SPTB: variants seen among roughly 807,000 people sequenced by gnomAD.
SPTB encodes spectrin beta chain, erythrocytic.
A neutral mutation model predicts 256.2 loss-of-function variants in SPTB; 45 were observed. The ratio of observed to expected loss-of-function variants is 0.18; its 90% CI spans 0.14 to 0.23. The LOEUF (loss-of-function observed/expected upper bound fraction) is 0.23, where lower values mean the gene tolerates loss of function less well. Ranked by LOEUF, SPTB falls within the 10% of genes least tolerant of loss-of-function variation. SPTB has a pLI of 1.00. For missense variants in SPTB, 2,715 were observed against 3,040.4 expected (o/e 0.89, Z 2.52); for synonymous variants, 1,231 against 1,243.1 (o/e 0.99, Z 0.21).
At position 64,767,340 on chromosome 14, in the gene SPTB, C is replaced by T; in HGVS notation, c.6232G>A (p.Glu2078Lys). ...GCGGGTCTCTCTGCAATCTGGCGTT[C>T]TTTCAGCTCAAGCTAGAGGAGGAGA... The part of the protein sequence containing the change: ...LEKPTTLELK[E>K]RQIAERPAEE... The change falls in exon 31 of 36, where the codon GAA (glutamate) becomes AAA (lysine). Residue 2078 changes from glutamate to lysine, a missense_variant. Coordinates refer to ENST00000644917, the MANE Select transcript of SPTB (RefSeq NM_001355436.2). The T allele has an allele frequency of 6.2e-7, 1 of 1,614,100 alleles. No individual in the cohort carries two copies. The highest frequency in any genetic ancestry group is 1.1e-5 in the South Asian group (1 of 91,086).
At chr14:64,788,378 G>A (rs1594777162) in intron 15 of SPTB, among the ~76,000 whole-genome samples, 1 of 152,220 alleles carries the variant, frequency 6.6e-6, no homozygotes, top group South Asian at 2.1e-4. Flanking sequence ...TGTGACAACA[G>A]CAGCCAGTAT....
chr14:64,864,200 TA>T (rs535500798), intron 1 of SPTB, among the ~76,000 whole-genome samples: 61 of 152,140 alleles, frequency 4.0e-4, no homozygotes, highest in African/African-American at 1.4e-3. Flanking sequence ...CTCATGCCTG[TA>T]ATCCCAACAC....
chr14:64,779,898 C>A lies in SPTB; in HGVS notation c.4300G>T (p.Glu1434Ter). Residue 1434 changes from glutamate (E) to a stop codon, truncating the protein, a stop_gained, in exon 21 of 36, where the codon GAG becomes TAG. Transcript: ENST00000644917. LOFTEE classifies it high-confidence loss of function. The surrounding 1 kb of genome is among the most constrained non-coding windows in gnomAD (Gnocchi z 4.2). ...VEDQVNVRKE[E>*]LGELFAQVPS... ...ACCTGGGCAAACAGCTCCCCCAGCT[C>A]CTCTTTTCGCACATTCACTTGGTCC... 1.2e-6 allele frequency: 2 copies of A among 1,613,992 alleles called. No individual in the cohort carries two copies. The highest frequency in any genetic ancestry group is 1.7e-6 in the Non-Finnish European group (2 of 1,179,920).
Position 64,775,082 on chromosome 14 carries a change from C to T in SPTB, c.4842+43G>A, listed in dbSNP as rs2082336446. Reference sequence around the variant, plus strand: ...CCGACAGCCAACCTCAACTCTTCCTCTCTGCCTGGGCACCCTGGCTGGTAT... The same window carrying T: ...CCGACAGCCAACCTCAACTCTTCCTTTCTGCCTGGGCACCCTGGCTGGTAT... On this transcript the variant is annotated intron_variant, in intron 23 of 35. Coordinates refer to ENST00000644917, the MANE Select transcript of SPTB (RefSeq NM_001355436.2). This position sits in a 1 kb window ranked among gnomAD's most constrained non-coding sequence, Gnocchi z 5.0. 22 of 1,613,576 alleles carry T rather than the reference C, an allele frequency of 1.4e-5. No homozygotes were observed. Among genetic ancestry groups the T allele is most frequent in the Non-Finnish European group, 1.8e-5 (21 of 1,179,994 alleles).
Position 64,759,111 on chromosome 14 carries a change from CG to C in SPTB, c.6346-5319del, listed in dbSNP as rs1566736300. 6.6e-6 allele frequency among the ~76,000 whole-genome samples: 1 copy of C among 152,192 alleles called. No homozygotes were observed. On this transcript the variant is annotated intron_variant, in intron 32 of 35. Coordinates refer to ENST00000644917, the MANE Select transcript of SPTB (RefSeq NM_001355436.2). The surrounding 1 kb of genome is among the most constrained non-coding windows in gnomAD (Gnocchi z 4.8). ...ACTGGGTTCCGGAAAAGCTCAGTGA[CG>C]GGCTGAGATTAGAGCACACAGCAAG... is the stretch of plus-strand genomic sequence containing the variant.
chr14:64,753,707 A>C lies in SPTB; in HGVS notation c.6432T>G (p.Asp2144Glu). 1 of 1,613,738 alleles carries C rather than the reference A, an allele frequency of 6.2e-7. No individual in the cohort carries two copies. Among genetic ancestry groups the C allele is most frequent in the Non-Finnish European group, 8.5e-7 (1 of 1,180,016 alleles). The change falls in exon 33 of 36, where the codon GAT becomes GAG. Residue 2144 changes from aspartate (D) to glutamate (E), a missense_variant. By Grantham distance (45) the Asp-to-Glu change is conservative (BLOSUM62 2). This residue lies in a region of SPTB where 2,239 missense variants were observed against 2,384.4 expected (regional missense o/e 0.94). Coordinates refer to ENST00000644917, the MANE Select transcript of SPTB (RefSeq NM_001355436.2). ...QHKDGQKSTG[D>E]ERPTTEPLFK... is the part of the protein sequence containing the mutation. ...AGAGGGGCTCCGTGGTGGGCCTCTC[A>C]TCCCCAGTGGATTTCTGCCCATCCT...
At chr14:64,818,350 C>A (rs371291555) in intron 2 of SPTB, among the ~76,000 whole-genome samples, 15 of 152,146 alleles carry the variant, frequency 9.9e-5, no homozygotes, top group African/African-American at 3.6e-4. Flanking sequence ...ACGCAGCGGG[C>A]GGCACATGGG....
intron 9 of SPTB, among the ~76,000 whole-genome samples, chr14:64,799,044 CAT>C (rs1391495796): frequency 6.6e-6 from 1 of 152,116 alleles, no homozygotes; most frequent in Non-Finnish European, 1.5e-5. Context: ...TGCATGGGTG[CAT>C]AGTTATGTGT....
Position 64,785,936 on chromosome 14 carries a change from G to A in SPTB, c.3577C>T (p.His1193Tyr). ...ILSNQEYTLA[H>Y]LEPPDSLEAA... ...TCCAGGGAGTCTGGGGGCTCCAAGT[G>A]AGCCAGAGTGTATTCCTGTTGGAAC... The change falls in exon 17 of 36, where the codon CAC becomes TAC. Residue 1193 changes from histidine (H) to tyrosine (Y), a missense_variant. Physicochemically the swap from His to Tyr is moderately conservative, Grantham distance 83 (BLOSUM62 2). Transcript: ENST00000644917. The surrounding 1 kb of genome is among the most constrained non-coding windows in gnomAD (Gnocchi z 4.4). 6.2e-7 allele frequency: 1 copy of A among 1,614,056 alleles called. No homozygotes were observed. The highest frequency in any genetic ancestry group is 8.5e-7 in the Non-Finnish European group (1 of 1,180,006).
At chr14:64,767,254 T>G in intron 31 of SPTB, 49 bp downstream of exon 31, 1 of 1,611,064 alleles carries the variant, frequency 6.2e-7, no homozygotes. Flanking sequence ...CACCCCCTAC[T>G]CCCACTTGGC....
chr14:64,760,810 G>T lies in SPTB; in HGVS notation c.6345+5916C>A, dbSNP rs571438668. Among the ~76,000 whole-genome samples the T allele has an allele frequency of 6.6e-6, 1 of 152,308 alleles. No homozygotes were observed. Among genetic ancestry groups the T allele is most frequent in the Admixed American group, 6.5e-5 (1 of 15,304 alleles). ...GTGTTACAAATGAGGGAAACTGGGG[G>T]TCGTACAGAATGAGTGACCTGTCCA... On this transcript the variant is annotated intron_variant, in intron 32 of 35. Transcript: ENST00000644917. The surrounding 1 kb of genome is among the most constrained non-coding windows in gnomAD (Gnocchi z 4.3).
In SPTB at chr14:64,785,475, AG is replaced by A; in HGVS notation, c.3855+61del. ...GGATCCCTGTGGACTTCCTGCCTTGAGGGAACTCTGCTTCTAGAAAGGAATC... is the reference window on the plus strand; with the variant it reads ...GGATCCCTGTGGACTTCCTGCCTTGAGGAACTCTGCTTCTAGAAAGGAATC... On this transcript the variant is annotated intron_variant, in intron 18 of 35. Transcript: ENST00000644917. The surrounding 1 kb of genome is among the most constrained non-coding windows in gnomAD (Gnocchi z 4.4). 1 of 1,467,714 alleles carries A rather than the reference AG, an allele frequency of 6.8e-7. No homozygotes were observed. The highest frequency in any genetic ancestry group is 9.4e-7 in the Non-Finnish European group (1 of 1,066,370). 90.9% of individuals were successfully genotyped at this position (1,467,714 alleles called of 1,614,324 possible).
At position 64,804,799 on chromosome 14, in the gene SPTB, C is replaced by T. The variant is rs145243540; in HGVS notation, c.300+140G>A. 2.3e-3 allele frequency: 2,652 copies of T among 1,130,268 alleles called. 7 individuals are homozygous for T. Among genetic ancestry groups the T allele is most frequent in the Middle Eastern group, 0.01 (35 of 3,346 alleles). 70.0% of individuals were successfully genotyped at this position (1,130,268 alleles called of 1,614,324 possible). A position where few individuals can be genotyped will look rare whatever the true frequency, so the allele number is the denominator to read the frequency against. On this transcript the variant is annotated intron_variant, in intron 3 of 35. Coordinates refer to ENST00000644917, the MANE Select transcript of SPTB (RefSeq NM_001355436.2). The stretch of plus-strand genomic sequence containing the variant: ...AGACCAGTCAGCCACACGGATGCTT[C>T]CCATTCTAAGTATTAGAGCCTCCCA...
intron 1 of SPTB, among the ~76,000 whole-genome samples, chr14:64,858,485 G>GGGGAA (rs1433583082): frequency 6.6e-6 from 1 of 152,174 alleles, no homozygotes; most frequent in Non-Finnish European, 1.5e-5. Flanking sequence ...GCCCTGCTGT[G>GGGGAA]GGGAAGGGAA....
intron 15 of SPTB, 124 bp downstream of exon 15, chr14:64,791,595 A>C: frequency 5.5e-5 from 35 of 634,812 alleles, no homozygotes; most frequent in East Asian, 9.9e-5. Context: ...AAAAAAAGAC[A>C]GGAATGTTGA....
chr14:64,779,333 C>T lies in SPTB; in HGVS notation c.4474-87G>A. The stretch of plus-strand genomic sequence containing the variant: ...TCACCATGGGCGGCGCAGAGCTTTG[C>T]TGGCAGTGTCTCCCCAGTTCCTCCC... On this transcript the variant is annotated intron_variant, in intron 21 of 35. Coordinates refer to ENST00000644917, the MANE Select transcript of SPTB (RefSeq NM_001355436.2). The surrounding 1 kb of genome is among the most constrained non-coding windows in gnomAD (Gnocchi z 4.2). The T allele has an allele frequency of 9.3e-7, 1 of 1,074,124 alleles. No individual in the cohort carries two copies. The highest frequency in any genetic ancestry group is 1.4e-6 in the Non-Finnish European group (1 of 711,748). The allele number at this position is 1,074,124 out of a possible 1,614,324, so 66.5% of individuals were successfully genotyped here.
At chr14:64,829,088 ATG>A (rs2083413144) in intron 1 of SPTB, among the ~76,000 whole-genome samples, 1 of 151,410 alleles carries the variant, frequency 6.6e-6, no homozygotes, top group Non-Finnish European at 1.5e-5. Context: ...AATTAGACAC[ATG>A]TGTCTCCTGA....
intron 1 of SPTB, among the ~76,000 whole-genome samples, chr14:64,858,458 G>A (rs1000897087): frequency 3.2e-4 from 49 of 152,282 alleles, no homozygotes; most frequent in African/African-American, 1.2e-3. Flanking sequence ...TGAGAACACA[G>A]TCAGGAGCAG....
rs1555366153 is a variant in SPTB, at chr14:64,765,041, T to TGCGCGC, written c.6345+1679_6345+1684dup. 2.1e-4 allele frequency among the ~76,000 whole-genome samples: 24 copies of TGCGCGC among 117,004 alleles called. No individual in the cohort carries two copies. In the South Asian group the frequency reaches 7.3e-3, roughly 35 times the overall value. 76.8% of individuals were successfully genotyped at this position (117,004 alleles called of 152,430 possible). A position where few individuals can be genotyped will look rare whatever the true frequency, so the allele number is the denominator to read the frequency against. On this transcript the variant is annotated intron_variant, in intron 32 of 35. Transcript: ENST00000644917. ...GAGTGTGTGCGTGTGTGTGTGTGTG[T>TGCGCGC]GCGCGCGCGCGCGCGGGTGGTGGAT...
Sources: allele counts gnomAD v4.1 joint callset (sites outside exome capture counted in the v4.1 genomes callset), GRCh38; gene constraint gnomAD v4.1.1; regional missense constraint gnomAD v4.1.1; non-coding constraint Gnocchi (gnomAD v3.1); transcripts MANE v1.5; gene names NCBI Gene and HGNC (gene_info 2026-07-23, HGNC 2026-07-21).